DSCAML1: variants seen among roughly 807,000 people sequenced by gnomAD.
DSCAML1 encodes the protein DS cell adhesion molecule like 1.
A neutral mutation model predicts 200.5 loss-of-function variants in DSCAML1; 38 were observed. That is an observed-to-expected ratio of 0.19 (90% confidence interval 0.15 to 0.25). The LOEUF is 0.25. DSCAML1 is among the 10% of genes least tolerant of loss of function. DSCAML1 has a pLI of 1.00. For synonymous variants in DSCAML1, 1,215 were observed against 1,165.0 expected, an observed-to-expected ratio of 1.04 and a Z score of -0.87; for missense variants, 2,223 against 2,858.8, an observed-to-expected ratio of 0.78 and a Z score of 5.07.
At chr11:117,718,219 C>G (rs1028828430) in intron 3 of DSCAML1, among the ~76,000 whole-genome samples, 1 of 152,216 alleles carries the variant, frequency 6.6e-6, no homozygotes, top group Non-Finnish European at 1.5e-5. Context: ...ACTCACGCAC[C>G]CCGCCATCCC....
chr11:117,432,967 A>G (rs2047833239), intron 29 of DSCAML1, among the ~76,000 whole-genome samples, 171 bp downstream of exon 29: 1 of 152,132 alleles, frequency 6.6e-6, no homozygotes, highest in Admixed American at 6.5e-5. Context: ...ACAGAGGAGG[A>G]AAATTAGCCC....
Position 117,505,764 on chromosome 11 carries a change from C to T in DSCAML1, c.1784-32G>A. 6.3e-7 allele frequency: 1 copy of T among 1,588,686 alleles called. No homozygotes were observed. Among genetic ancestry groups the T allele is most frequent in the South Asian group, 1.1e-5 (1 of 89,324 alleles). On this transcript the variant is annotated intron_variant, in intron 8 of 32. Coordinates refer to ENST00000651296, the MANE Select transcript of DSCAML1 (RefSeq NM_020693.4). This position sits in a 1 kb window ranked among gnomAD's most constrained non-coding sequence, Gnocchi z 6.7. ...AGGCAAGCGGGTGCTGCCGTCAGGA[C>T]CCTGTGCATTCTCACCTGGCCGCCA...
intron 3 of DSCAML1, among the ~76,000 whole-genome samples, chr11:117,606,400 C>T (rs533912469): frequency 1.3e-5 from 2 of 152,320 alleles, no homozygotes; most frequent in African/African-American, 4.8e-5. Context: ...AAACTTCCTG[C>T]TCCGCTTGTG....
chr11:117,551,648 G>C (rs1232306350), intron 3 of DSCAML1, among the ~76,000 whole-genome samples: 3 of 152,184 alleles, frequency 2.0e-5, no homozygotes, highest in Admixed American at 6.5e-5. Context: ...TGGCCTATAA[G>C]ATAGAGGTAG....
chr11:117,721,321 T>C (rs145385677), intron 3 of DSCAML1, among the ~76,000 whole-genome samples: 362 of 152,314 alleles, frequency 2.4e-3, no homozygotes, highest in African/African-American at 8.2e-3. Flanking sequence ...GTGTCCTGAG[T>C]CTTCCTTTCG....
At chr11:117,811,055 TCTGA>T (rs59655261) in intron 1 of DSCAML1, among the ~76,000 whole-genome samples, 2,337 of 152,292 alleles carry the variant, frequency 0.015, 57 homozygotes, top group African/African-American at 0.054. Flanking sequence ...TCACACCCGG[TCTGA>T]CTTACAGTTT....
intron 3 of DSCAML1, among the ~76,000 whole-genome samples, chr11:117,697,920 C>G (rs552836229): frequency 3.3e-5 from 5 of 152,020 alleles, no homozygotes; most frequent in Non-Finnish European, 7.4e-5. Context: ...TACAGGTGCA[C>G]GCCACCACAC....
intron 12 of DSCAML1, 125 bp downstream of exon 12, chr11:117,481,838 C>A: frequency 9.8e-7 from 1 of 1,022,852 alleles, no homozygotes; most frequent in Non-Finnish European, 1.4e-6. Context: ...AGGGGAGGTA[C>A]ATTTTTGGGG....
intron 1 of DSCAML1, among the ~76,000 whole-genome samples, chr11:117,813,047 C>T (rs2055774323): frequency 6.6e-6 from 1 of 152,108 alleles, no homozygotes; most frequent in Non-Finnish European, 1.5e-5. Context: ...AGTCTGATAA[C>T]AGACCAGCCT....
Position 117,467,039 on chromosome 11 carries a change from A to G in DSCAML1, c.3025-1857T>C, listed in dbSNP as rs557206142. 4.6e-5 allele frequency among the ~76,000 whole-genome samples: 7 copies of G among 152,276 alleles called. No individual in the cohort carries two copies. The South Asian group carries it at 1.5e-3, about 32-fold the overall frequency. ...CAGAGATGGCAAGGACTTGGAGGTT[A>G]GAAGGGGGCTGGTGGGAATGAAGAC... On this transcript the variant is annotated intron_variant, in intron 16 of 32. Coordinates refer to ENST00000651296, the MANE Select transcript of DSCAML1 (RefSeq NM_020693.4).
upstream of DSCAML1, chr11:117,800,798 A>AG (rs2055650097): frequency 6.6e-6 from 1 of 152,184 alleles, no homozygotes. Flanking sequence ...ATGGATATTT[A>AG]GGGGGTATTA....
At chr11:117,603,957 T>C (rs1285540978) in intron 3 of DSCAML1, among the ~76,000 whole-genome samples, 1 of 152,228 alleles carries the variant, frequency 6.6e-6, no homozygotes, top group African/African-American at 2.4e-5. Flanking sequence ...GAAGGCATTA[T>C]TGGTTCCATT....
chr11:117,675,470 A>ATTTTTTTTT (rs533948278), intron 3 of DSCAML1, among the ~76,000 whole-genome samples: 7 of 96,928 alleles, frequency 7.2e-5, no homozygotes, highest in East Asian at 3.3e-4. Context: ...GCTGATTGAA[A>ATTTTTTTTT]TTTTTTTTTT....
intron 3 of DSCAML1, among the ~76,000 whole-genome samples, chr11:117,645,239 A>G (rs982223240): frequency 4.9e-4 from 74 of 152,294 alleles, no homozygotes; most frequent in African/African-American, 1.7e-3. Context: ...TTTGATGGAT[A>G]AGAACGAGTT....
At chr11:117,581,395 C>A (rs2051036306) in intron 3 of DSCAML1, among the ~76,000 whole-genome samples, 1 of 152,176 alleles carries the variant, frequency 6.6e-6, no homozygotes, top group Non-Finnish European at 1.5e-5. Context: ...ACCACCACCG[C>A]AATCAAGATA....
intron 31 of DSCAML1, 78 bp downstream of exon 31, chr11:117,431,456 G>A (rs113540056): frequency 1.5e-6 from 2 of 1,354,010 alleles, no homozygotes; most frequent in Non-Finnish European, 2.0e-6. Context: ...GGTAGAAGCT[G>A]GGAAGAATAG....
chr11:117,497,123 G>A (rs11603937), intron 11 of DSCAML1, among the ~76,000 whole-genome samples: 12,198 of 152,176 alleles, frequency 0.08, 566 homozygotes, highest in African/African-American at 0.13. Context: ...ACAACAGAAC[G>A]CAACCCACTT....
intron 4 of DSCAML1, among the ~76,000 whole-genome samples, chr11:117,532,143 G>GA (rs1399103272): frequency 1.5e-5 from 2 of 137,288 alleles, no homozygotes; most frequent in African/African-American, 5.8e-5. Context: ...AAAAAAAAAG[G>GA]AAAAAAAAGG....
At position 117,503,803 on chromosome 11, in the gene DSCAML1, G is replaced by C; in HGVS notation, c.2359+42C>G. On this transcript the variant is annotated intron_variant, in intron 11 of 32. Coordinates refer to ENST00000651296, the MANE Select transcript of DSCAML1 (RefSeq NM_020693.4). The surrounding 1 kb of genome is among the most constrained non-coding windows in gnomAD (Gnocchi z 5.2). Reference sequence around the variant, plus strand: ...GAGAGTGCAGAGCCGGGGCTTGGCTGTGATTTGGGGGTGCTAGGGGGCGTG... The same window carrying C: ...GAGAGTGCAGAGCCGGGGCTTGGCTCTGATTTGGGGGTGCTAGGGGGCGTG... 6.3e-7 allele frequency: 1 copy of C among 1,591,234 alleles called. No homozygotes were observed. Among genetic ancestry groups the C allele is most frequent in the Non-Finnish European group, 8.6e-7 (1 of 1,166,522 alleles).
Sources: gnomAD v4.1 joint callset for allele counts (sites outside exome capture counted in the v4.1 genomes callset) on GRCh38, gnomAD v4.1.1 for gene constraint, Gnocchi (gnomAD v3.1) non-coding constraint, MANE v1.5 for transcripts, NCBI Gene and HGNC (gene_info 2026-07-23, HGNC 2026-07-21) for gene names.